HYCC1: variants seen among roughly 807,000 people sequenced by gnomAD.
The protein encoded by HYCC1 is hyccin.
chr7:22,984,192 T>C, the HYCC1 span: 1 of 612,698 alleles, frequency 1.6e-6, no homozygotes, highest in Non-Finnish European at 2.9e-6. Flanking sequence ...AGTTTCTTTT[T>C]GGGGTGATGG....
chr7:22,945,623 G>A, the HYCC1 span: 10 of 1,612,988 alleles, frequency 6.2e-6, 1 homozygote, highest in Middle Eastern at 1.7e-4. Flanking sequence ...AATACTAGGA[G>A]GTCTCTGCTG....
chr7:22,965,867 A>G, the HYCC1 span, among the ~76,000 whole-genome samples: 6 of 152,134 alleles, frequency 3.9e-5, no homozygotes, highest in Admixed American at 3.9e-4. Flanking sequence ...TAATCCTCCC[A>G]CATCAGCCTC....
chr7:22,918,014 TG>T, the HYCC1 span, among the ~76,000 whole-genome samples: 1 of 152,166 alleles, frequency 6.6e-6, no homozygotes. Flanking sequence ...CCAAAATTGC[TG>T]AGGCCTCAAC....
chr7:22,970,670 T>A, the HYCC1 span, among the ~76,000 whole-genome samples: 1 of 152,214 alleles, frequency 6.6e-6, no homozygotes, highest in Non-Finnish European at 1.5e-5. Context: ...CATTAACTGG[T>A]AATGGCATCT....
At chr7:22,982,820 C>T in the HYCC1 span, among the ~76,000 whole-genome samples, 1 of 148,892 alleles carries the variant, frequency 6.7e-6, no homozygotes, top group Non-Finnish European at 1.5e-5. Flanking sequence ...TGAGGCCCAC[C>T]ATGGTTATGT....
the HYCC1 span, among the ~76,000 whole-genome samples, chr7:22,913,277 A>G: frequency 1.3e-5 from 2 of 152,256 alleles, no homozygotes; most frequent in Non-Finnish European, 2.9e-5. Context: ...TGAAAACAAT[A>G]GAGGAATCAG....
chr7:22,961,240 A>G, the HYCC1 span: 29 of 1,600,880 alleles, frequency 1.8e-5, no homozygotes, highest in Admixed American at 4.3e-4. Flanking sequence ...CCTACCAGCA[A>G]TGGCTCTGGA....
At chr7:22,914,615 C>T in the HYCC1 span, among the ~76,000 whole-genome samples, 4 of 152,286 alleles carry the variant, frequency 2.6e-5, no homozygotes, top group East Asian at 1.9e-4. Flanking sequence ...GGGTGCCTGA[C>T]GTCCAGGCAT....
chr7:22,968,788 C>T, the HYCC1 span, among the ~76,000 whole-genome samples: 1 of 152,084 alleles, frequency 6.6e-6, no homozygotes, highest in Non-Finnish European at 1.5e-5. Context: ...GGTTTCAAGA[C>T]CAGCCTGGCC....
At chr7:22,967,872 T>A in the HYCC1 span, among the ~76,000 whole-genome samples, 1 of 152,196 alleles carries the variant, frequency 6.6e-6, no homozygotes, top group African/African-American at 2.4e-5. Flanking sequence ...AATATACTGT[T>A]TCAGATATGT....
chr7:22,967,169 C>A, the HYCC1 span, among the ~76,000 whole-genome samples: 1 of 152,160 alleles, frequency 6.6e-6, no homozygotes, highest in Non-Finnish European at 1.5e-5. Context: ...GTAGCTCCCA[C>A]AGGGACTCAC....
At chr7:23,006,519 G>A in the HYCC1 span, among the ~76,000 whole-genome samples, 7 of 152,130 alleles carry the variant, frequency 4.6e-5, no homozygotes, top group East Asian at 1.9e-4. Flanking sequence ...CACCCACCTC[G>A]GCCTCCCAAA....
the HYCC1 span, among the ~76,000 whole-genome samples, chr7:22,909,204 T>C: frequency 6.6e-6 from 1 of 152,164 alleles, no homozygotes; most frequent in African/African-American, 2.4e-5. Context: ...GGATCCCTCA[T>C]GGCTTGGTGC....
chr7:22,978,411 T>C, the HYCC1 span: 2,582 of 1,613,852 alleles, frequency 1.6e-3, 6 homozygotes, highest in Non-Finnish European at 2.0e-3. Context: ...TCCACTGCGA[T>C]AGAATTCAAA....
chr7:22,964,645 T>C, the HYCC1 span: 22 of 668,406 alleles, frequency 3.3e-5, no homozygotes, highest in Middle Eastern at 7.8e-4. Flanking sequence ...ACCTAATATT[T>C]ATGAAACAAA....
At chr7:22,955,612 G>A in the HYCC1 span, among the ~76,000 whole-genome samples, 2 of 151,646 alleles carry the variant, frequency 1.3e-5, no homozygotes, top group Non-Finnish European at 1.5e-5. Flanking sequence ...ATTGTTCCAA[G>A]TATGGATAAT....
At chr7:22,937,925 TG>T in the HYCC1 span, 1 of 152,220 alleles carries the variant, frequency 6.6e-6, no homozygotes, top group African/African-American at 2.4e-5. Flanking sequence ...GGAGCTCCAG[TG>T]GTACGATCAG....
chr7:22,926,925 A>G, the HYCC1 span, among the ~76,000 whole-genome samples: 2 of 151,960 alleles, frequency 1.3e-5, no homozygotes, highest in Non-Finnish European at 2.9e-5. Context: ...TTGACCACAT[A>G]GTTGGAAGTA....
chr7:22,996,465 A>G, the HYCC1 span, among the ~76,000 whole-genome samples: 1 of 151,880 alleles, frequency 6.6e-6, no homozygotes, highest in Non-Finnish European at 1.5e-5. Flanking sequence ...TTACATGGGT[A>G]TACTGTGTGA....
Sources: allele counts gnomAD v4.1 joint callset (sites outside exome capture counted in the v4.1 genomes callset), GRCh38; gene constraint gnomAD v4.1.1; transcripts MANE v1.5; gene names NCBI Gene and HGNC (gene_info 2026-07-23, HGNC 2026-07-21).